SPRYD4: variants seen among roughly 807,000 people sequenced by gnomAD.
SPRYD4 encodes SPRY domain containing 4, also known as SPRY domain-containing protein 4.
SPRYD4 carries 12 observed loss-of-function variants against 16.6 expected under a neutral mutation model. That is an observed-to-expected ratio of 0.72 (90% CI 0.46 to 1.17). The LOEUF (loss-of-function observed/expected upper bound fraction) is 1.17. Ranked by LOEUF, SPRYD4 falls within the 50% of genes most tolerant of loss-of-function variation. The pLI is 0.00. For synonymous variants in SPRYD4, 98 were observed against 105.4 expected (o/e 0.93, Z 0.43); for missense variants, 260 against 260.2 (o/e 1.00, Z 0.00).
In SPRYD4 at chr12:56,471,889, G is replaced by T; in HGVS notation, c.*2312G>T. 6.4e-7 allele frequency: 1 copy of T among 1,571,474 alleles called. No individual in the cohort carries two copies. Among genetic ancestry groups the T allele is most frequent in the Non-Finnish European group, 8.8e-7 (1 of 1,142,636 alleles). ...GAAGGCGCAGGTCTTGAACCCTTTG[G>T]TGCAGACACTTAGCCACTGAAGTCT... On this transcript the variant is annotated 3_prime_UTR_variant, in exon 2 of 2. Transcript: ENST00000338146.
At position 56,475,956 on chromosome 12, in the gene SPRYD4, T is replaced by G; in HGVS notation, c.*6379T>G. ...GCAAGGGAACTTACAAAATCAAACT[T>G]CTCTGCTTTGTTACAGTCCATCTGC... On this transcript the variant is annotated 3_prime_UTR_variant, in exon 2 of 2. Transcript: ENST00000338146. 6.2e-7 allele frequency: 1 copy of G among 1,613,714 alleles called. No homozygotes were observed. Among genetic ancestry groups the G allele is most frequent in the South Asian group, 1.1e-5 (1 of 91,080 alleles).
chr12:56,477,781 C>T lies in SPRYD4; in HGVS notation c.*8204C>T, dbSNP rs984999876. On this transcript the variant is annotated 3_prime_UTR_variant, in exon 2 of 2. Transcript: ENST00000338146. ...AACAAAGCCTCCCTGACAGCCCGCT[C>T]ACTTTGTGGGTTAGACAAGAAAGAC... The T allele has an allele frequency of 1.3e-6, 2 of 1,569,106 alleles. No individual in the cohort carries two copies. Among genetic ancestry groups the T allele is most frequent in the Middle Eastern group, 3.4e-4 (2 of 5,800 alleles).
Position 56,471,166 on chromosome 12 carries a change from G to A in SPRYD4, c.*1589G>A. 2.3e-6 allele frequency: 1 copy of A among 427,858 alleles called. No homozygotes were observed. The highest frequency in any genetic ancestry group is 3.4e-5 in the East Asian group (1 of 29,664). The allele number at this position is 427,858 out of a possible 1,614,324, so 26.5% of individuals were successfully genotyped here. On this transcript the variant is annotated 3_prime_UTR_variant, in exon 2 of 2. Coordinates refer to ENST00000338146, the MANE Select transcript of SPRYD4 (RefSeq NM_207344.4). ...TCCACCAGAGTATCTCTCTCATGAT[G>A]GTTTCTTCAGGGAGAGGAAGAGGAG...
At position 56,475,298 on chromosome 12, in the gene SPRYD4, T is replaced by C. The variant is rs1869707235; in HGVS notation, c.*5721T>C. 3 of 1,447,240 alleles carry C rather than the reference T, an allele frequency of 2.1e-6. No homozygotes were observed. Among genetic ancestry groups the C allele is most frequent in the South Asian group, 1.3e-5 (1 of 77,218 alleles). The allele number at this position is 1,447,240 out of a possible 1,614,324, so 89.6% of individuals were successfully genotyped here. A position where few individuals can be genotyped will look rare whatever the true frequency, so the allele number is the denominator to read the frequency against. On this transcript the variant is annotated 3_prime_UTR_variant, in exon 2 of 2. Transcript: ENST00000338146. ...GCAAACACTCAGCATAGTTTTGTTATAAAGTAAACCCAAACCAAACACCCC... is the reference window on the plus strand; with the variant it reads ...GCAAACACTCAGCATAGTTTTGTTACAAAGTAAACCCAAACCAAACACCCC...
Position 56,473,484 on chromosome 12 carries a change from A to G in SPRYD4, c.*3907A>G, listed in dbSNP as rs781569016. ...TCACCTGGCAGAAGCTGGTCCCCCTATGGCTGTTCCCCAGCTTGTCCAATG... is the reference window on the plus strand; with the variant it reads ...TCACCTGGCAGAAGCTGGTCCCCCTGTGGCTGTTCCCCAGCTTGTCCAATG... On this transcript the variant is annotated 3_prime_UTR_variant, in exon 2 of 2. Transcript: ENST00000338146. 2.5e-6 allele frequency: 4 copies of G among 1,613,978 alleles called. No homozygotes were observed. Among genetic ancestry groups the G allele is most frequent in the Non-Finnish European group, 3.4e-6 (4 of 1,179,928 alleles).
Position 56,469,493 on chromosome 12 carries a change from C to T in SPRYD4, c.540C>T (p.Phe180=), listed in dbSNP as rs563508787. 6.2e-7 allele frequency: 1 copy of T among 1,614,114 alleles called. No homozygotes were observed. The highest frequency in any genetic ancestry group is 2.2e-5 in the East Asian group (1 of 44,880). ...VSVVHTLQTD[F]RGPVVPAFAL... Reference sequence around the variant, plus strand: ...TGGTTCACACGCTACAGACAGATTTCCGGGGTCCAGTGGTGCCTGCCTTTG... The same window carrying T: ...TGGTTCACACGCTACAGACAGATTTTCGGGGTCCAGTGGTGCCTGCCTTTG... The change falls in exon 2 of 2, where the codon TTC becomes TTT. Residue 180 remains phenylalanine (F), a synonymous_variant. Coordinates refer to ENST00000338146, the MANE Select transcript of SPRYD4 (RefSeq NM_207344.4).
chr12:56,475,280 C>G lies in SPRYD4; in HGVS notation c.*5703C>G. 6.7e-7 allele frequency: 1 copy of G among 1,503,434 alleles called. No individual in the cohort carries two copies. The highest frequency in any genetic ancestry group is 9.0e-7 in the Non-Finnish European group (1 of 1,116,942). The allele number at this position is 1,503,434 out of a possible 1,614,324, so 93.1% of individuals were successfully genotyped here. ...GGAAATTTCTGAACCTGAGCAAACACTCAGCATAGTTTTGTTATAAAGTAA... is the reference window on the plus strand; with the variant it reads ...GGAAATTTCTGAACCTGAGCAAACAGTCAGCATAGTTTTGTTATAAAGTAA... On this transcript the variant is annotated 3_prime_UTR_variant, in exon 2 of 2. Coordinates refer to ENST00000338146, the MANE Select transcript of SPRYD4 (RefSeq NM_207344.4).
Position 56,472,660 on chromosome 12 carries a change from A to T in SPRYD4, c.*3083A>T. The stretch of plus-strand genomic sequence containing the variant: ...TAAAATCTCTGACCAGGAGTATTTT[A>T]TTGTGTATATTTGGTCACAGTAGCA... On this transcript the variant is annotated 3_prime_UTR_variant, in exon 2 of 2. Coordinates refer to ENST00000338146, the MANE Select transcript of SPRYD4 (RefSeq NM_207344.4). 4 of 1,600,116 alleles carry T rather than the reference A, an allele frequency of 2.5e-6. No individual in the cohort carries two copies. Among genetic ancestry groups the T allele is most frequent in the Non-Finnish European group, 3.4e-6 (4 of 1,167,606 alleles).
Position 56,476,068 on chromosome 12 carries a change from T to G in SPRYD4, c.*6491T>G, listed in dbSNP as rs1274685741. 8 of 1,265,194 alleles carry G rather than the reference T, an allele frequency of 6.3e-6. No homozygotes were observed. The highest frequency in any genetic ancestry group is 9.1e-6 in the Non-Finnish European group (8 of 879,322). The allele number at this position is 1,265,194 out of a possible 1,614,324, so 78.4% of individuals were successfully genotyped here. On this transcript the variant is annotated 3_prime_UTR_variant, in exon 2 of 2. Coordinates refer to ENST00000338146, the MANE Select transcript of SPRYD4 (RefSeq NM_207344.4). The stretch of plus-strand genomic sequence containing the variant: ...GGATCTAGTGGAGTTCTAGTGTTAG[T>G]CTGGTCCTGCTGCTGCAAATGTGTT...
Position 56,469,728 on chromosome 12 carries a change from C to G in SPRYD4, c.*151C>G. On this transcript the variant is annotated 3_prime_UTR_variant, in exon 2 of 2. Transcript: ENST00000338146. ...ATATCATGATCATCTTCCTCATCCC[C>G]TACCTTGTGAAAGCTAGGCATACAG... The G allele has an allele frequency of 1.3e-6, 1 of 791,480 alleles. No individual in the cohort carries two copies. The highest frequency in any genetic ancestry group is 1.9e-6 in the Non-Finnish European group (1 of 513,100). The allele number at this position is 791,480 out of a possible 1,614,324, so 49.0% of individuals were successfully genotyped here.
In SPRYD4 at chr12:56,478,799, C is replaced by T. The variant is rs1333410086; in HGVS notation, c.*9222C>T. The T allele has an allele frequency of 1.3e-5, 5 of 387,670 alleles. No individual in the cohort carries two copies. Among genetic ancestry groups the T allele is most frequent in the Admixed American group, 4.2e-5 (1 of 23,918 alleles). The allele number at this position is 387,670 out of a possible 1,614,324, so 24.0% of individuals were successfully genotyped here. On this transcript the variant is annotated 3_prime_UTR_variant, in exon 2 of 2. Transcript: ENST00000338146. Reference sequence around the variant, plus strand: ...CTTGAGATCAGGAGTTCGAGACCAGCCTGGCCAATATGGCAAAACCCCATC... The same window carrying T: ...CTTGAGATCAGGAGTTCGAGACCAGTCTGGCCAATATGGCAAAACCCCATC...
At position 56,468,655 on chromosome 12, in the gene SPRYD4, G is replaced by A; in HGVS notation, c.64G>A (p.Ala22Thr). Reference protein sequence around the residue: ...CRWGAKRLGVASTEAQRGVSF... With the variant: ...CRWGAKRLGVTSTEAQRGVSF... ...CTGGGGAGCCAAACGATTGGGAGTT[G>A]CCTCCACAGAGGCCCAGAGAGGTAG... Residue 22 changes from alanine (A) to threonine (T), a missense_variant, in exon 1 of 2, where the codon GCC (alanine) becomes ACC (threonine). Coordinates refer to ENST00000338146, the MANE Select transcript of SPRYD4 (RefSeq NM_207344.4). 1.2e-6 allele frequency: 2 copies of A among 1,614,110 alleles called. No homozygotes were observed. The highest frequency in any genetic ancestry group is 8.5e-7 in the Non-Finnish European group (1 of 1,179,954).
In SPRYD4 at chr12:56,469,512, G is replaced by T; in HGVS notation, c.559G>T (p.Ala187Ser). The T allele has an allele frequency of 1.2e-6, 2 of 1,614,172 alleles. No individual in the cohort carries two copies. The highest frequency in any genetic ancestry group is 3.3e-4 in the Middle Eastern group (2 of 6,062). ...AGATTTCCGGGGTCCAGTGGTGCCT[G>T]CCTTTGCTCTCTGGGATGGGGAGCT... ...QTDFRGPVVP[A>S]FALWDGELLT... The change falls in exon 2 of 2, where the codon GCC (alanine) becomes TCC (serine). Residue 187 changes from alanine (A) to serine (S), a missense_variant. Physicochemically the swap from Ala to Ser is moderately conservative, Grantham distance 99. Coordinates refer to ENST00000338146, the MANE Select transcript of SPRYD4 (RefSeq NM_207344.4).
In SPRYD4 at chr12:56,476,151, C is replaced by G. The variant is rs566658568; in HGVS notation, c.*6574C>G. ...GAAAACACCGCACTTCCATTGGCTCCTCTCTTTCTCTTTCTTTTTTTTGAG... is the reference window on the plus strand; with the variant it reads ...GAAAACACCGCACTTCCATTGGCTCGTCTCTTTCTCTTTCTTTTTTTTGAG... On this transcript the variant is annotated 3_prime_UTR_variant, in exon 2 of 2. Transcript: ENST00000338146. 2 of 580,860 alleles carry G rather than the reference C, an allele frequency of 3.4e-6. No individual in the cohort carries two copies. The highest frequency in any genetic ancestry group is 6.0e-6 in the Non-Finnish European group (2 of 334,622). 36.0% of individuals were successfully genotyped at this position (580,860 alleles called of 1,614,324 possible). A position where few individuals can be genotyped will look rare whatever the true frequency, so the allele number is the denominator to read the frequency against.
Position 56,474,495 on chromosome 12 carries a change from T to A in SPRYD4, c.*4918T>A. 6.2e-7 allele frequency: 1 copy of A among 1,607,824 alleles called. No homozygotes were observed. The highest frequency in any genetic ancestry group is 8.5e-7 in the Non-Finnish European group (1 of 1,177,948). ...ATCTTGAGAGAGTCAGTGTTCTCTC[T>A]TCTTAGCACTGGGCTCATGACAGAT... is the stretch of plus-strand genomic sequence containing the variant. On this transcript the variant is annotated 3_prime_UTR_variant, in exon 2 of 2. Transcript: ENST00000338146.
chr12:56,471,595 C>T lies in SPRYD4; in HGVS notation c.*2018C>T, dbSNP rs1244704441. 1 of 1,614,118 alleles carries T rather than the reference C, an allele frequency of 6.2e-7. No individual in the cohort carries two copies. The highest frequency in any genetic ancestry group is 1.7e-5 in the Admixed American group (1 of 59,990). Reference sequence around the variant, plus strand: ...GGTAATCTTGAAGCAGTTTGACCACCTCCAGATGGTTGAACTGCACAGCAT... The same window carrying T: ...GGTAATCTTGAAGCAGTTTGACCACTTCCAGATGGTTGAACTGCACAGCAT... On this transcript the variant is annotated 3_prime_UTR_variant, in exon 2 of 2. Coordinates refer to ENST00000338146, the MANE Select transcript of SPRYD4 (RefSeq NM_207344.4).
At chr12:56,468,854 ATCCGAGTTTT>A in intron 1 of SPRYD4, 175 bp from the exon 2 acceptor site, 1 of 1,027,386 alleles carries the variant, frequency 9.7e-7, no homozygotes, top group Non-Finnish European at 1.4e-6. Context: ...GACTTACTCA[ATCCGAGTTTT>A]TCAGCTCCGT....
chr12:56,472,751 T>G lies in SPRYD4; in HGVS notation c.*3174T>G. 1 of 1,613,894 alleles carries G rather than the reference T, an allele frequency of 6.2e-7. No individual in the cohort carries two copies. The highest frequency in any genetic ancestry group is 8.5e-7 in the Non-Finnish European group (1 of 1,179,876). The stretch of plus-strand genomic sequence containing the variant: ...AATAACAGGTTGACCACAGTCTTGT[T>G]CTGGAACACAAATCATACCCACATG... On this transcript the variant is annotated 3_prime_UTR_variant, in exon 2 of 2. Transcript: ENST00000338146.
chr12:56,479,616 T>C lies in SPRYD4; in HGVS notation c.*10039T>C. 2 of 782,572 alleles carry C rather than the reference T, an allele frequency of 2.6e-6. No homozygotes were observed. Among genetic ancestry groups the C allele is most frequent in the Non-Finnish European group, 3.7e-6 (2 of 544,460 alleles). 48.5% of individuals were successfully genotyped at this position (782,572 alleles called of 1,614,324 possible). A position where few individuals can be genotyped will look rare whatever the true frequency, so the allele number is the denominator to read the frequency against. ...GGAAAGGAGAACATGTATTTCTATATTGTTTGAACTCTTATGATGAGTATT... is the reference window on the plus strand; with the variant it reads ...GGAAAGGAGAACATGTATTTCTATACTGTTTGAACTCTTATGATGAGTATT... On this transcript the variant is annotated 3_prime_UTR_variant, in exon 2 of 2. Coordinates refer to ENST00000338146, the MANE Select transcript of SPRYD4 (RefSeq NM_207344.4).
Sources: allele counts gnomAD v4.1 joint callset, GRCh38; gene constraint gnomAD v4.1.1; transcripts MANE v1.5; gene names NCBI Gene and HGNC (gene_info 2026-07-23, HGNC 2026-07-21).